LYRM4: variants seen among roughly 807,000 people sequenced by gnomAD.
LYRM4 encodes LYR motif-containing protein 4.
In LYRM4, 9 loss-of-function variants were observed where a neutral mutation model predicts 11.7. The observed-to-expected ratio is 0.77, with a 90% confidence interval of 0.46 to 1.34. LYRM4 has a LOEUF of 1.34. Ranked by LOEUF, LYRM4 falls within the 40% of genes most tolerant of loss-of-function variation. The pLI is 0.00. For synonymous variants in LYRM4, 42 were observed against 40.4 expected, an observed-to-expected ratio of 1.04 and a Z score of -0.15; for missense variants, 133 against 112.5, an observed-to-expected ratio of 1.18 and a Z score of -0.82.
intron 2 of LYRM4, chr6:5,138,712 T>C (rs1252006069): frequency 6.5e-6 from 10 of 1,532,446 alleles, no homozygotes; most frequent in Non-Finnish European, 8.7e-6. Context: ...ACAAACCTGG[T>C]GGCAGACAAT....
the LYRM4 span, among the ~76,000 whole-genome samples, chr6:5,083,291 C>A: frequency 6.6e-6 from 1 of 152,176 alleles, no homozygotes; most frequent in South Asian, 2.1e-4. Flanking sequence ...GTATTTAACT[C>A]CATAATGTAG....
chr6:5,061,677 C>A, the LYRM4 span, among the ~76,000 whole-genome samples: 2 of 152,128 alleles, frequency 1.3e-5, no homozygotes, highest in Non-Finnish European at 2.9e-5. Context: ...GATCCATGAC[C>A]ATTGAAATCC....
intron 2 of LYRM4, among the ~76,000 whole-genome samples, chr6:5,121,814 C>A (rs998159352): frequency 1.7e-4 from 26 of 152,234 alleles, no homozygotes; most frequent in African/African-American, 6.3e-4. Flanking sequence ...GCCACCAAAA[C>A]CACAGCGGCA....
At chr6:5,129,861 G>A (rs1763868924) in intron 2 of LYRM4, among the ~76,000 whole-genome samples, 1 of 152,264 alleles carries the variant, frequency 6.6e-6, no homozygotes, top group South Asian at 2.1e-4. Flanking sequence ...GGAGAAGCGA[G>A]AGCGCAAAGC....
intron 1 of LYRM4, among the ~76,000 whole-genome samples, chr6:5,217,853 G>T (rs1193946804): frequency 6.6e-6 from 1 of 152,114 alleles, no homozygotes; most frequent in Admixed American, 6.5e-5. Context: ...ACTCCAGATT[G>T]AAAGGCATAA....
chr6:5,119,794 C>CA (rs968606439), intron 2 of LYRM4, among the ~76,000 whole-genome samples: 4,023 of 16,836 alleles, frequency 0.24, 517 homozygotes, highest in African/African-American at 0.29. Context: ...GTCTCCATAA[C>CA]AAAAAAAAAA....
intron 2 of LYRM4, among the ~76,000 whole-genome samples, chr6:5,166,602 T>A (rs1016091653): frequency 6.6e-6 from 1 of 152,186 alleles, no homozygotes; most frequent in Non-Finnish European, 1.5e-5. Flanking sequence ...ATCCCCAAAA[T>A]AACCCACGTT....
chr6:5,206,716 G>T (rs1341502491), intron 2 of LYRM4, among the ~76,000 whole-genome samples: 3 of 152,124 alleles, frequency 2.0e-5, no homozygotes, highest in Non-Finnish European at 2.9e-5. Flanking sequence ...GAAGAGAAGT[G>T]CTTCTTAGAC....
At chr6:5,245,089 TAAAAAAAA>T (rs71540855) in intron 1 of LYRM4, among the ~76,000 whole-genome samples, 223 of 15,472 alleles carry the variant, frequency 0.014, 17 homozygotes, top group African/African-American at 0.018. Context: ...AGGAAGACCT[TAAAAAAAA>T]AAAAAAAAAA....
intron 2 of LYRM4, chr6:5,113,197 G>A: frequency 5.9e-6 from 2 of 339,006 alleles, no homozygotes; most frequent in African/African-American, 2.2e-5. Flanking sequence ...CACTTCGGGA[G>A]GTCGAGACGG....
chr6:5,090,980 T>C, the LYRM4 span, among the ~76,000 whole-genome samples: 1 of 152,012 alleles, frequency 6.6e-6, no homozygotes, highest in African/African-American at 2.4e-5. The surrounding 1 kb of genome is among the most constrained non-coding windows in gnomAD (Gnocchi z 4.8). Flanking sequence ...AGAGAGGAAA[T>C]GTGATTTCTT....
At chr6:5,072,039 T>C in the LYRM4 span, among the ~76,000 whole-genome samples, 2 of 152,188 alleles carry the variant, frequency 1.3e-5, no homozygotes, top group African/African-American at 2.4e-5. Flanking sequence ...CCATGTGTTC[T>C]CATCACTTAG....
intron 2 of LYRM4, among the ~76,000 whole-genome samples, chr6:5,163,657 C>T (rs993160733): frequency 1.1e-4 from 16 of 147,846 alleles, no homozygotes; most frequent in African/African-American, 4.0e-4. Context: ...GTCTCACTAT[C>T]ACCCAGGCTA....
At chr6:5,132,749 C>T (rs892697442) in intron 2 of LYRM4, 4 of 152,198 alleles carry the variant, frequency 2.6e-5, no homozygotes, top group Admixed American at 6.5e-5. Context: ...GCCGTAAACC[C>T]CTTGCCCAGT....
chr6:5,187,520 G>A (rs928766712), intron 2 of LYRM4, among the ~76,000 whole-genome samples: 1 of 151,916 alleles, frequency 6.6e-6, no homozygotes, highest in Non-Finnish European at 1.5e-5. Context: ...ACCAAACACC[G>A]CATGTTCTTA....
At chr6:5,068,397 C>T in the LYRM4 span, among the ~76,000 whole-genome samples, 2 of 152,170 alleles carry the variant, frequency 1.3e-5, no homozygotes, top group African/African-American at 4.8e-5. The surrounding 1 kb of genome is among the most constrained non-coding windows in gnomAD (Gnocchi z 4.0). Flanking sequence ...GAGCCATGGG[C>T]CACTGTTTAC....
chr6:5,154,499 C>T (rs963806360), intron 2 of LYRM4, among the ~76,000 whole-genome samples: 2 of 152,156 alleles, frequency 1.3e-5, no homozygotes, highest in Non-Finnish European at 2.9e-5. Context: ...GAAGACAACC[C>T]AACACCTCAT....
intron 2 of LYRM4, among the ~76,000 whole-genome samples, chr6:5,170,349 A>C (rs1361112235): frequency 1.3e-5 from 2 of 151,930 alleles, no homozygotes. Flanking sequence ...GCCTTAGTGG[A>C]ATTGTGTGTG....
chr6:5,166,998 G>T (rs150421027), intron 2 of LYRM4, among the ~76,000 whole-genome samples: 1 of 152,178 alleles, frequency 6.6e-6, no homozygotes, highest in East Asian at 1.9e-4. Flanking sequence ...GGTTTTATAG[G>T]TGAGAGCTGC....
Sources: gnomAD v4.1 joint callset for allele counts (sites outside exome capture counted in the v4.1 genomes callset) on GRCh38, gnomAD v4.1.1 for gene constraint, Gnocchi (gnomAD v3.1) non-coding constraint, MANE v1.5 for transcripts, NCBI Gene and HGNC (gene_info 2026-07-23, HGNC 2026-07-21) for gene names.